BACH2: variants seen among roughly 807,000 people sequenced by gnomAD.
The protein encoded by BACH2 is transcription regulator protein BACH2.
BACH2 carries 5 observed loss-of-function variants against 61.8 expected under a neutral mutation model. The observed-to-expected ratio is 0.08, with a 90% CI of 0.04 to 0.17. BACH2 has a LOEUF of 0.17. Ranked by LOEUF, BACH2 falls within the 10% of genes least tolerant of loss-of-function variation. The pLI is 1.00. For missense variants in BACH2, 824 were observed against 1,091.1 expected, an observed-to-expected ratio of 0.76 and a Z score of 3.45; for synonymous variants, 446 against 440.1, an observed-to-expected ratio of 1.01 and a Z score of -0.17.
Position 90,008,400 on chromosome 6 carries a change from A to T in BACH2, c.243+202T>A, listed in dbSNP as rs2127780557. 1.5e-5 allele frequency: 10 copies of T among 665,498 alleles called. 1 individual carries two copies. In the South Asian group the frequency reaches 1.8e-4, roughly 12 times the overall value. 41.2% of individuals were successfully genotyped at this position (665,498 alleles called of 1,614,324 possible). On this transcript the variant is annotated intron_variant, in intron 6 of 8. Transcript: ENST00000257749. This position sits in a 1 kb window ranked among gnomAD's most constrained non-coding sequence, Gnocchi z 4.1. ...CCACAGGTGAGGTTCAGTTCCCTTC[A>T]AGAAAGATATTCACATTCTGTGCCT...
chr6:90,197,804 GC>G (rs1286844452), intron 4 of BACH2, among the ~76,000 whole-genome samples: 1 of 152,194 alleles, frequency 6.6e-6, no homozygotes, highest in African/African-American at 2.4e-5. Context: ...ACGCAGAGAA[GC>G]AAAGCCTGTT....
At chr6:90,071,364 C>A (rs1044737266) in intron 5 of BACH2, among the ~76,000 whole-genome samples, 1 of 152,176 alleles carries the variant, frequency 6.6e-6, no homozygotes, top group African/African-American at 2.4e-5. Flanking sequence ...AAGGAGGCAG[C>A]CAGTGGGCTA....
chr6:89,993,223 A>C (rs1002711387), intron 6 of BACH2, among the ~76,000 whole-genome samples: 3 of 152,208 alleles, frequency 2.0e-5, no homozygotes, highest in Non-Finnish European at 2.9e-5. Context: ...TGAACTAATA[A>C]TATACATGTA....
chr6:90,033,439 C>G (rs573828412), intron 5 of BACH2, among the ~76,000 whole-genome samples: 7 of 151,482 alleles, frequency 4.6e-5, no homozygotes, highest in African/African-American at 1.7e-4. Flanking sequence ...TTTAGTTCTA[C>G]TCACAGTGGT....
At chr6:90,139,264 C>G (rs1784384220) in intron 4 of BACH2, among the ~76,000 whole-genome samples, 1 of 152,188 alleles carries the variant, frequency 6.6e-6, no homozygotes, top group Admixed American at 6.5e-5. Flanking sequence ...CATCCTCTGC[C>G]ATGTTCCTCA....
intron 4 of BACH2, among the ~76,000 whole-genome samples, chr6:90,201,830 T>C (rs1768966166): frequency 6.6e-6 from 1 of 152,226 alleles, no homozygotes; most frequent in South Asian, 2.1e-4. Context: ...ACCTGGCCAA[T>C]GCCTTCAGAA....
At chr6:90,083,445 A>G (rs1452449536) in intron 5 of BACH2, among the ~76,000 whole-genome samples, 2 of 152,216 alleles carry the variant, frequency 1.3e-5, no homozygotes, top group Non-Finnish European at 2.9e-5. Flanking sequence ...ATTAATTTTG[A>G]TGATCTCTTG....
chr6:89,997,135 C>T (rs1219565165), intron 6 of BACH2, among the ~76,000 whole-genome samples: 3 of 152,150 alleles, frequency 2.0e-5, no homozygotes, highest in Non-Finnish European at 4.4e-5. Context: ...TGAAATCCCT[C>T]CTGTATAGTT....
intron 5 of BACH2, among the ~76,000 whole-genome samples, chr6:90,061,509 T>C (rs1780684357): frequency 6.6e-6 from 1 of 152,142 alleles, no homozygotes; most frequent in Non-Finnish European, 1.5e-5. Flanking sequence ...AAGTACCCTG[T>C]TGGGTATCTA....
intron 5 of BACH2, among the ~76,000 whole-genome samples, chr6:90,024,138 C>T (rs1778515581): frequency 7.4e-6 from 1 of 134,256 alleles, no homozygotes; most frequent in East Asian, 2.0e-4. Flanking sequence ...TTTTCTACAT[C>T]TACTATATAT....
In BACH2 at chr6:90,195,374, A is replaced by G. The variant is rs150577823; in HGVS notation, c.-162+11195T>C. ...TAGCCATTTAAAGAAGTCCAAGGAA[A>G]AAACAAGCACAACCACCTTTCTCTG... On this transcript the variant is annotated intron_variant, in intron 4 of 8. Transcript: ENST00000257749. Among the ~76,000 whole-genome samples, 402 of 152,324 alleles carry G rather than the reference A, an allele frequency of 2.6e-3. 5 individuals carry two copies. Among genetic ancestry groups the G allele is most frequent in the African/African-American group, 9.4e-3 (390 of 41,572 alleles).
At chr6:90,158,767 G>GC (rs201609639) in intron 4 of BACH2, among the ~76,000 whole-genome samples, 37 of 150,126 alleles carry the variant, frequency 2.5e-4, no homozygotes, top group East Asian at 3.9e-4. Context: ...TCTTTTGGTG[G>GC]GGGGGGGGCA....
At chr6:90,071,841 G>A (rs1319659605) in intron 5 of BACH2, among the ~76,000 whole-genome samples, 1 of 152,158 alleles carries the variant, frequency 6.6e-6, no homozygotes, top group Non-Finnish European at 1.5e-5. Flanking sequence ...AAGTGAGCTG[G>A]AAAAAACAAA....
At position 89,940,185 on chromosome 6, in the gene BACH2, T is replaced by C. The variant is rs376108695; in HGVS notation, c.1837-1835A>G. On this transcript the variant is annotated intron_variant, in intron 7 of 8. Coordinates refer to ENST00000257749, the MANE Select transcript of BACH2 (RefSeq NM_021813.4). ...CCACCATGCCCAGCTAATTTTTGTA[T>C]TTTCAGTAGAGATGCGGTTTTGCCA... Among the ~76,000 whole-genome samples the C allele has an allele frequency of 4.6e-5, 7 of 152,052 alleles. No individual in the cohort carries two copies. The East Asian group carries it at 9.7e-4, about 21-fold the overall frequency.
At chr6:90,139,487 T>C (rs891636323) in intron 4 of BACH2, among the ~76,000 whole-genome samples, 3 of 152,216 alleles carry the variant, frequency 2.0e-5, no homozygotes, top group African/African-American at 4.8e-5. Context: ...TCTTCGCTTA[T>C]AGACCAGCTG....
At chr6:90,039,787 G>A (rs115902129) in intron 5 of BACH2, among the ~76,000 whole-genome samples, 96 of 152,174 alleles carry the variant, frequency 6.3e-4, no homozygotes, top group African/African-American at 1.9e-3. Flanking sequence ...AAAAAACAGC[G>A]TTTAATTATA....
chr6:90,256,408 T>G (rs1770981339), intron 2 of BACH2, among the ~76,000 whole-genome samples: 2 of 152,142 alleles, frequency 1.3e-5, no homozygotes, highest in African/African-American at 4.8e-5. Flanking sequence ...TTTTTCCCCC[T>G]CTCTTGATGT....
At chr6:90,052,121 T>C (rs1780075002) in intron 5 of BACH2, among the ~76,000 whole-genome samples, 2 of 152,210 alleles carry the variant, frequency 1.3e-5, no homozygotes, top group Admixed American at 6.5e-5. Context: ...AGGGCAAGTT[T>C]TGTAATTCTT....
At chr6:90,172,347 G>A (rs1767845377) in intron 4 of BACH2, among the ~76,000 whole-genome samples, 1 of 148,890 alleles carries the variant, frequency 6.7e-6, no homozygotes, top group Non-Finnish European at 1.5e-5. Flanking sequence ...ACATACAGAA[G>A]GAAAATATAA....
Sources: gnomAD v4.1 joint callset for allele counts (sites outside exome capture counted in the v4.1 genomes callset) on GRCh38, gnomAD v4.1.1 for gene constraint, Gnocchi (gnomAD v3.1) non-coding constraint, MANE v1.5 for transcripts, NCBI Gene and HGNC (gene_info 2026-07-23, HGNC 2026-07-21) for gene names.